The following CES2 variants were observed in gnomAD, a reference collection of about 807,000 sequenced individuals.
CES2 encodes the protein cocaine esterase.
Under a neutral mutation model 52.1 loss-of-function variants are expected in CES2, and 42 were observed. That is an observed-to-expected ratio of 0.81 (90% CI 0.63 to 1.04). The LOEUF (loss-of-function observed/expected upper bound fraction) is 1.04, where lower values mean the gene tolerates loss of function less well. Among genes scored for constraint, CES2 ranks in the 50% least tolerant of loss-of-function variants. CES2 has a pLI of 0.00. For synonymous variants in CES2, 277 were observed against 289.6 expected (o/e 0.96, Z 0.44); for missense variants, 656 against 724.3 (o/e 0.91, Z 1.08).
chr16:66,939,186 C>A (rs780519768), intron 2 of CES2, 31 bp from the exon 3 acceptor site: 3 of 1,611,248 alleles, frequency 1.9e-6, no homozygotes, highest in Non-Finnish European at 2.5e-6. Flanking sequence ...ACAGCCTGGC[C>A]CCTGGACTGA....
chr16:66,942,907 G>T (rs1963401076), intron 10 of CES2, 122 bp downstream of exon 10: 2 of 1,516,788 alleles, frequency 1.3e-6, no homozygotes, highest in Non-Finnish European at 8.9e-7. Flanking sequence ...GAGATCAGGT[G>T]TCCAAGGTTT....
chr16:66,942,226 C>T lies in CES2; in HGVS notation c.1259C>T (p.Ala420Val). 1 of 1,613,024 alleles carries T rather than the reference C, an allele frequency of 6.2e-7. No homozygotes were observed. The highest frequency in any genetic ancestry group is 8.5e-7 in the Non-Finnish European group (1 of 1,179,260). Reference sequence around the variant, plus strand: ...GCGGACTCCATGTTTGTGATCCCTGCACTCCAAGTAGCACATTTTCAGTGT... The same window carrying T: ...GCGGACTCCATGTTTGTGATCCCTGTACTCCAAGTAGCACATTTTCAGTGT... The part of the protein sequence containing the change: ...MMADSMFVIP[A>V]LQVAHFQCSR... Residue 420 changes from alanine to valine, a missense_variant, in exon 9 of 12, where the codon GCA becomes GTA. Physicochemically the swap from Ala to Val is moderately conservative, Grantham distance 64. Transcript: ENST00000317091.
chr16:66,943,440 T>C lies in CES2; in HGVS notation c.1493+69T>C. On this transcript the variant is annotated intron_variant, in intron 11 of 11. Coordinates refer to ENST00000317091, the MANE Select transcript of CES2 (RefSeq NM_001365405.1). This position sits in a 1 kb window ranked among gnomAD's most constrained non-coding sequence, Gnocchi z 4.2. Reference sequence around the variant, plus strand: ...TTGTGCCCATCCAGTGCTCTCCTAGTCTGGGGTGACCTCATGAGCACACCC... The same window carrying C: ...TTGTGCCCATCCAGTGCTCTCCTAGCCTGGGGTGACCTCATGAGCACACCC... 6.5e-7 allele frequency: 1 copy of C among 1,544,638 alleles called. No individual in the cohort carries two copies. The highest frequency in any genetic ancestry group is 1.1e-5 in the South Asian group (1 of 89,264).
At chr16:66,941,743 TAC>T in intron 7 of CES2, 23 bp from the exon 8 acceptor site, 1 of 1,614,054 alleles carries the variant, frequency 6.2e-7, no homozygotes, top group Non-Finnish European at 8.5e-7. Flanking sequence ...CATCCCCAGC[TAC>T]AGACTCTCTC....
At position 66,943,593 on chromosome 16, in the gene CES2, C is replaced by T. The variant is rs1963414984; in HGVS notation, c.1493+222C>T. On this transcript the variant is annotated intron_variant, in intron 11 of 11. Transcript: ENST00000317091. This position sits in a 1 kb window ranked among gnomAD's most constrained non-coding sequence, Gnocchi z 4.2. ...TGGAGGGTGGGCGCCAGTGCTGTGC[C>T]ACCGTCAGGGCCTCCCTCTCAGAGA... The T allele has an allele frequency of 5.1e-6, 3 of 593,866 alleles. No individual in the cohort carries two copies. The highest frequency in any genetic ancestry group is 3.0e-6 in the Non-Finnish European group (1 of 338,018). 36.8% of individuals were successfully genotyped at this position (593,866 alleles called of 1,614,324 possible). A position where few individuals can be genotyped will look rare whatever the true frequency, so the allele number is the denominator to read the frequency against.
intron 2 of CES2, 44 bp from the exon 3 acceptor site, chr16:66,939,173 G>A (rs751166067): frequency 6.9e-6 from 11 of 1,602,136 alleles, no homozygotes; most frequent in Non-Finnish European, 9.4e-6. Flanking sequence ...TCTGGTTTTG[G>A]CCACAGCCTG....
At chr16:66,942,280 C>T (rs781385846) in intron 9 of CES2, 31 bp downstream of exon 9, 7 of 1,584,834 alleles carry the variant, frequency 4.4e-6, no homozygotes, top group Non-Finnish European at 6.0e-6. Context: ...GCCTGGCGGG[C>T]AGGGTACAGC....
chr16:66,944,029 C>T lies in CES2; in HGVS notation c.*4C>T. The T allele has an allele frequency of 6.7e-7, 1 of 1,482,858 alleles. No homozygotes were observed. Among genetic ancestry groups the T allele is most frequent in the Non-Finnish European group, 9.1e-7 (1 of 1,099,204 alleles). 91.9% of individuals were successfully genotyped at this position (1,482,858 alleles called of 1,614,324 possible). ...AGAGAGACACACAGAGCTGTAGCTC[C>T]CTGTGCCGGGGAGGAGGGGGTGGGT... On this transcript the variant is annotated 3_prime_UTR_variant, in exon 12 of 12. Coordinates refer to ENST00000317091, the MANE Select transcript of CES2 (RefSeq NM_001365405.1).
At chr16:66,940,829 T>TG (rs1213669441) in intron 5 of CES2, 134 bp downstream of exon 5, 3 of 1,228,130 alleles carry the variant, frequency 2.4e-6, no homozygotes, top group Admixed American at 2.7e-5. Context: ...GTGGAATTGC[T>TG]GGGGGGCTCC....
intron 1 of CES2, among the ~76,000 whole-genome samples, chr16:66,937,252 C>T (rs575180635): frequency 1.3e-5 from 2 of 152,224 alleles, no homozygotes; most frequent in South Asian, 4.1e-4. Flanking sequence ...TAGGAGGGTA[C>T]AGGTGATGTG....
intron 2 of CES2, 50 bp from the exon 3 acceptor site, chr16:66,939,167 G>GTT: frequency 1.9e-6 from 3 of 1,592,154 alleles, no homozygotes; most frequent in Non-Finnish European, 2.6e-6. Flanking sequence ...CCAGGGTCTG[G>GTT]TTTTGGCCAC....
Position 66,943,921 on chromosome 16 carries a change from G to A in CES2, c.1576G>A (p.Val526Met), listed in dbSNP as rs1963423783. ...QYLQLNLQPA[V>M]GRALKAHRLQ... is the part of the protein sequence containing the mutation. ...CCTGCAGCTGAACCTACAGCCTGCG[G>A]TGGGCCGGGCTCTGAAGGCCCACAG... is the stretch of plus-strand genomic sequence containing the variant. The change falls in exon 12 of 12, where the codon GTG (valine) becomes ATG (methionine). Residue 526 changes from valine to methionine, a missense_variant. Physicochemically the swap from Val to Met is conservative, Grantham distance 21. Coordinates refer to ENST00000317091, the MANE Select transcript of CES2 (RefSeq NM_001365405.1). The surrounding 1 kb of genome is among the most constrained non-coding windows in gnomAD (Gnocchi z 4.2). 1.2e-6 allele frequency: 2 copies of A among 1,610,652 alleles called. No individual in the cohort carries two copies. Among genetic ancestry groups the A allele is most frequent in the Non-Finnish European group, 1.7e-6 (2 of 1,177,706 alleles).
At chr16:66,935,224 A>T, upstream of CES2, 1 of 476,982 alleles carries the variant, frequency 2.1e-6, no homozygotes. Context: ...ATCCTCAGAG[A>T]AGCCCTCCTG....
In CES2 at chr16:66,940,705, C is replaced by G; in HGVS notation, c.816+10C>G. ...TGATGTCATCTCCACGGTGAGTGCC[C>G]TCAGCTGAAGAGGCCTAGGCCTGCT... On this transcript the variant is annotated intron_variant, in intron 5 of 11. Coordinates refer to ENST00000317091, the MANE Select transcript of CES2 (RefSeq NM_001365405.1). The G allele has an allele frequency of 6.2e-7, 1 of 1,613,438 alleles. No individual in the cohort carries two copies. Among genetic ancestry groups the G allele is most frequent in the Non-Finnish European group, 8.5e-7 (1 of 1,179,758 alleles).
rs1230677876 is a variant in CES2 at position 66,944,793 on chromosome 16, A to T, written c.*768A>T. On this transcript the variant is annotated 3_prime_UTR_variant, in exon 12 of 12. Transcript: ENST00000317091. ...ATAGAAGAAGCTACTGCATGATGTT[A>T]GTTACCAAGCCTGCCATGGGTCCTC... 2.6e-5 allele frequency: 4 copies of T among 152,232 alleles called. No homozygotes were observed. The highest frequency in any genetic ancestry group is 4.8e-5 in the African/African-American group (2 of 41,452). 9.4% of individuals were successfully genotyped at this position (152,232 alleles called of 1,614,324 possible). A position where few individuals can be genotyped will look rare whatever the true frequency, so the allele number is the denominator to read the frequency against.
In CES2 at chr16:66,942,790, GTCT is replaced by G; in HGVS notation, c.1420+11_1420+13del. The G allele has an allele frequency of 6.2e-7, 1 of 1,614,196 alleles. No homozygotes were observed. On this transcript the variant is annotated splice_donor_region_variant and intron_variant, in intron 10 of 11. Coordinates refer to ENST00000317091, the MANE Select transcript of CES2 (RefSeq NM_001365405.1). ...GTTTCTTTGGGGGCAACTACAGTGA[GTCT>G]TCTTCCTTTCCCGGGAGGTGGGCTG...
At chr16:66,938,426 T>C in intron 2 of CES2, 185 bp downstream of exon 2, 1 of 601,004 alleles carries the variant, frequency 1.7e-6, no homozygotes, top group Non-Finnish European at 3.0e-6. Flanking sequence ...GCAGAATAAC[T>C]TCTCAGACTC....
In CES2 at chr16:66,943,148, GA is replaced by G; in HGVS notation, c.1421-147del. On this transcript the variant is annotated intron_variant, in intron 10 of 11. Transcript: ENST00000317091. This position sits in a 1 kb window ranked among gnomAD's most constrained non-coding sequence, Gnocchi z 4.2. ...GAGCCTGGTCTACAGGGAAAGTTTG[GA>G]AAAGGGGAGGGCTGGCTTCTGAGGG... is the stretch of plus-strand genomic sequence containing the variant. 2 of 824,330 alleles carry G rather than the reference GA, an allele frequency of 2.4e-6. No individual in the cohort carries two copies. Among genetic ancestry groups the G allele is most frequent in the Non-Finnish European group, 3.8e-6 (2 of 525,170 alleles). The allele number at this position is 824,330 out of a possible 1,614,324, so 51.1% of individuals were successfully genotyped here.
chr16:66,940,783 G>T, intron 5 of CES2, 88 bp downstream of exon 5: 2 of 1,469,854 alleles, frequency 1.4e-6, no homozygotes, highest in Non-Finnish European at 1.8e-6. Context: ...GATGACAAGG[G>T]CCATCGGGAG....
Sources: gnomAD v4.1 joint callset for allele counts (sites outside exome capture counted in the v4.1 genomes callset) on GRCh38, gnomAD v4.1.1 for gene constraint, Gnocchi (gnomAD v3.1) non-coding constraint, MANE v1.5 for transcripts, NCBI Gene and HGNC (gene_info 2026-07-23, HGNC 2026-07-21) for gene names.